Variants in HNRNPM observed in about 807,000 individuals in gnomAD.
HNRNPM encodes CEA receptor.
HNRNPM carries 11 observed loss-of-function variants against 73.1 expected under a neutral mutation model. The observed-to-expected ratio is 0.15, with a 90% CI of 0.09 to 0.25. The LOEUF (loss-of-function observed/expected upper bound fraction) is 0.25, where lower values mean the gene tolerates loss of function less well. HNRNPM is among the 10% of genes least tolerant of loss of function. The pLI, the probability that HNRNPM is intolerant of heterozygous loss-of-function variation, is 1.00. For missense variants in HNRNPM, 789 were observed against 1,067.9 expected (o/e 0.74, Z 3.64); for synonymous variants, 407 against 355.2 (o/e 1.15, Z -1.64).
chr19:8,473,530 A>C (rs979942450), intron 10 of HNRNPM, 134 bp from the exon 11 acceptor site: 2 of 641,462 alleles, frequency 3.1e-6, no homozygotes, highest in African/African-American at 1.9e-5. Flanking sequence ...TGCTGATTAA[A>C]ATATATAAAA....
chr19:8,483,991 C>T (rs7409317), intron 13 of HNRNPM, among the ~76,000 whole-genome samples: 126,347 of 151,888 alleles, frequency 0.83, 55,789 homozygotes, highest in East Asian at 0.98. Flanking sequence ...TTATCTCAAA[C>T]TCCTGGCCTC....
intron 12 of HNRNPM, 127 bp from the exon 13 acceptor site, chr19:8,483,031 C>G (rs865927343): frequency 3.1e-6 from 2 of 647,422 alleles, no homozygotes; most frequent in Middle Eastern, 3.0e-4. Flanking sequence ...GCGTGTGTTT[C>G]TCAAACCCCT....
chr19:8,448,740 C>T (rs1205915187), intron 1 of HNRNPM, among the ~76,000 whole-genome samples: 5 of 151,516 alleles, frequency 3.3e-5, no homozygotes, highest in Non-Finnish European at 5.9e-5. Flanking sequence ...GTCTTGGCCT[C>T]CCAAAGTGCT....
At position 8,463,921 on chromosome 19, in the gene HNRNPM, G is replaced by T. The variant is rs970564866; in HGVS notation, c.438+235G>T. 7.0e-5 allele frequency: 34 copies of T among 487,828 alleles called. No individual in the cohort carries two copies. The East Asian group carries it at 1.2e-3, about 17-fold the overall frequency. The allele number at this position is 487,828 out of a possible 1,614,324, so 30.2% of individuals were successfully genotyped here. On this transcript the variant is annotated intron_variant, in intron 5 of 15. Transcript: ENST00000325495. ...GACCACCTTCTAATATCTGTGATTT[G>T]TCTGAGGCCTTGTTGTCTCAGGGAC...
chr19:8,486,942 A>G (rs1411423549), intron 14 of HNRNPM, 82 bp from the exon 15 acceptor site: 4 of 1,061,584 alleles, frequency 3.8e-6, no homozygotes, highest in African/African-American at 3.1e-5. Context: ...GAAATCTAGC[A>G]TGGCCCTCAG....
rs187256058 is a variant in HNRNPM, at chr19:8,458,152, T to C, written c.283+2578T>C. Among the ~76,000 whole-genome samples, 38 of 152,308 alleles carry C rather than the reference T, an allele frequency of 2.5e-4. No homozygotes were observed. In the East Asian group the frequency reaches 4.6e-3, roughly 19 times the overall value. On this transcript the variant is annotated intron_variant, in intron 2 of 15. Transcript: ENST00000325495. Reference sequence around the variant, plus strand: ...AAGGATACTCCGGGGGGAGATTGTCTCACATGCTCCTCCCTCACTCTTGAT... The same window carrying C: ...AAGGATACTCCGGGGGGAGATTGTCCCACATGCTCCTCCCTCACTCTTGAT...
chr19:8,472,875 C>T (rs1970248410), intron 10 of HNRNPM, among the ~76,000 whole-genome samples: 1 of 152,188 alleles, frequency 6.6e-6, no homozygotes, highest in Non-Finnish European at 1.5e-5. Context: ...AGTCACCACG[C>T]CCACCCTTAA....
intron 12 of HNRNPM, among the ~76,000 whole-genome samples, chr19:8,481,167 C>T (rs1228016213): frequency 6.6e-6 from 1 of 152,194 alleles, no homozygotes; most frequent in African/African-American, 2.4e-5. Flanking sequence ...GCTGTACTTG[C>T]TGCTTCAAAA....
At chr19:8,468,940 T>C in intron 9 of HNRNPM, 106 bp downstream of exon 9, 1 of 863,370 alleles carries the variant, frequency 1.2e-6, no homozygotes, top group Non-Finnish European at 2.0e-6. Context: ...TAGCCCTCAG[T>C]TCTCTTGGCC....
At chr19:8,453,054 C>T (rs1271156289) in intron 1 of HNRNPM, among the ~76,000 whole-genome samples, 5 of 152,066 alleles carry the variant, frequency 3.3e-5, no homozygotes, top group African/African-American at 1.2e-4. Flanking sequence ...TTGTCGAACT[C>T]TTGGGTTTAA....
chr19:8,475,846 T>C (rs1239728526), intron 12 of HNRNPM, among the ~76,000 whole-genome samples: 3 of 151,548 alleles, frequency 2.0e-5, no homozygotes, highest in African/African-American at 7.3e-5. Flanking sequence ...GGTAAGAGGA[T>C]TGCTTGAGCT....
At position 8,488,916 on chromosome 19, in the gene HNRNPM, A is replaced by G. The variant is rs1465446706; in HGVS notation, c.*62A>G. 11 of 1,440,780 alleles carry G rather than the reference A, an allele frequency of 7.6e-6. No individual in the cohort carries two copies. Among genetic ancestry groups the G allele is most frequent in the East Asian group, 2.3e-5 (1 of 43,288 alleles). The allele number at this position is 1,440,780 out of a possible 1,614,324, so 89.2% of individuals were successfully genotyped here. ...GAATTTGTATTTTTTCTTGTTAACC[A>G]TTTTAATTTGTTGGCTGGATGTATA... On this transcript the variant is annotated 3_prime_UTR_variant, in exon 16 of 16. Transcript: ENST00000325495.
chr19:8,480,656 C>CT (rs1356607772), intron 12 of HNRNPM, among the ~76,000 whole-genome samples: 1 of 150,480 alleles, frequency 6.6e-6, no homozygotes. Flanking sequence ...GAGTGAGACT[C>CT]TGTCTCAAAA....
In HNRNPM at chr19:8,485,998, C is replaced by T. The variant is rs1317748482; in HGVS notation, c.1570C>T (p.Arg524Cys). ...GGAGCGCATGGGCCCTGCCATCGAG[C>T]GCATGGGCCTGAGCATGGAGCGCAT... Reference protein sequence around the residue: ...GVERMGPAIERMGLSMERMVP... With the variant: ...GVERMGPAIECMGLSMERMVP... The change falls in exon 14 of 16, where the codon CGC becomes TGC. Residue 524 changes from arginine to cysteine, a missense_variant. Coordinates refer to ENST00000325495, the MANE Select transcript of HNRNPM (RefSeq NM_005968.5). The T allele has an allele frequency of 1.9e-6, 3 of 1,606,114 alleles. No homozygotes were observed. The highest frequency in any genetic ancestry group is 2.7e-5 in the African/African-American group (2 of 74,582).
intron 14 of HNRNPM, 134 bp downstream of exon 14, chr19:8,486,539 T>G: frequency 2.8e-6 from 2 of 714,624 alleles, no homozygotes; most frequent in Non-Finnish European, 4.5e-6. Flanking sequence ...CCAAACGTTT[T>G]ATGCTAGTGG....
chr19:8,488,991 T>G lies in HNRNPM; in HGVS notation c.*137T>G, dbSNP rs1271533853. 1.3e-6 allele frequency: 1 copy of G among 782,618 alleles called. No homozygotes were observed. The allele number at this position is 782,618 out of a possible 1,614,324, so 48.5% of individuals were successfully genotyped here. On this transcript the variant is annotated 3_prime_UTR_variant, in exon 16 of 16. Transcript: ENST00000325495. Reference sequence around the variant, plus strand: ...TTTTTGGGGTAATTTGAATTACTTTTTTAATGACTGGGGTTCCATTTGACT... The same window carrying G: ...TTTTTGGGGTAATTTGAATTACTTTGTTAATGACTGGGGTTCCATTTGACT...
At position 8,489,025 on chromosome 19, in the gene HNRNPM, T is replaced by C; in HGVS notation, c.*171T>C. The C allele has an allele frequency of 3.2e-6, 2 of 617,800 alleles. No individual in the cohort carries two copies. The highest frequency in any genetic ancestry group is 5.8e-5 in the East Asian group (2 of 34,602). 38.3% of individuals were successfully genotyped at this position (617,800 alleles called of 1,614,324 possible). A position where few individuals can be genotyped will look rare whatever the true frequency, so the allele number is the denominator to read the frequency against. On this transcript the variant is annotated 3_prime_UTR_variant, in exon 16 of 16. Coordinates refer to ENST00000325495, the MANE Select transcript of HNRNPM (RefSeq NM_005968.5). ...TGGGGTTCCATTTGACTGTTTGCAT[T>C]GAGATTGCAATGTGCGCAATTTTTT...
chr19:8,474,482 G>T (rs1331031309), intron 12 of HNRNPM, among the ~76,000 whole-genome samples: 1 of 152,050 alleles, frequency 6.6e-6, no homozygotes, highest in East Asian at 1.9e-4. Flanking sequence ...AGTAATTTTC[G>T]AGTACAGTGT....
At chr19:8,451,907 G>T (rs999325095) in intron 1 of HNRNPM, among the ~76,000 whole-genome samples, 1 of 152,034 alleles carries the variant, frequency 6.6e-6, no homozygotes, top group Non-Finnish European at 1.5e-5. Flanking sequence ...AGTTGGTGGT[G>T]GTAGATTTCC....
Sources: gnomAD v4.1 joint callset for allele counts (sites outside exome capture counted in the v4.1 genomes callset) on GRCh38, gnomAD v4.1.1 for gene constraint, MANE v1.5 for transcripts, NCBI Gene and HGNC (gene_info 2026-07-23, HGNC 2026-07-21) for gene names.